Variants in PCDH15 observed in about 807,000 individuals in gnomAD.
PCDH15 encodes the protein protocadherin related 15, also known as protocadherin-15.
PCDH15 carries 129 observed loss-of-function variants against 178.5 expected under a neutral mutation model. The observed-to-expected ratio is 0.72, with a 90% CI of 0.63 to 0.84. PCDH15 has a LOEUF of 0.84. Ranked by LOEUF, PCDH15 falls within the 40% of genes least tolerant of loss-of-function variation. PCDH15 has a pLI of 0.00. For missense variants in PCDH15, 2,230 were observed against 2,099.9 expected (o/e 1.06, Z -1.21); for synonymous variants, 800 against 732.0 (o/e 1.09, Z -1.50).
chr10:55,414,654 T>C (rs1838430089), intron 2 of PCDH15, among the ~76,000 whole-genome samples: 1 of 151,538 alleles, frequency 6.6e-6, no homozygotes, highest in African/African-American at 2.4e-5. Flanking sequence ...TATGAGATTG[T>C]TTTACTGATT....
intron 1 of PCDH15, among the ~76,000 whole-genome samples, chr10:54,690,201 A>G (rs562445701): frequency 1.3e-5 from 2 of 152,248 alleles, no homozygotes; most frequent in Admixed American, 6.5e-5. Flanking sequence ...GTGTTAACCT[A>G]CTGCACTGCC....
At chr10:54,966,958 T>C (rs1208026911) in intron 2 of PCDH15, among the ~76,000 whole-genome samples, 5 of 152,060 alleles carry the variant, frequency 3.3e-5, no homozygotes, top group Non-Finnish European at 7.4e-5. Context: ...AAAGGTCCAG[T>C]AAAAATTCAC....
intron 3 of PCDH15, among the ~76,000 whole-genome samples, chr10:54,415,307 A>C (rs139041638): frequency 6.6e-6 from 1 of 152,162 alleles, no homozygotes; most frequent in East Asian, 1.9e-4. Flanking sequence ...ATTACTATGA[A>C]ACAAAAGTTT....
chr10:55,127,000 G>GC (rs1554833237), intron 2 of PCDH15, among the ~76,000 whole-genome samples: 28 of 151,638 alleles, frequency 1.8e-4, no homozygotes, highest in Non-Finnish European at 2.8e-4. Flanking sequence ...TCCTTCAGGT[G>GC]TCCCCCCACC....
At chr10:53,992,663 T>G (rs912807204) in intron 21 of PCDH15, among the ~76,000 whole-genome samples, 5 of 152,178 alleles carry the variant, frequency 3.3e-5, no homozygotes, top group Non-Finnish European at 7.4e-5. Context: ...ACCTGTAGTT[T>G]TGTTCTGTCA....
chr10:53,803,677 G>A lies in PCDH15; in HGVS notation c.*2902C>T, dbSNP rs1840997312. 6.6e-6 allele frequency: 1 copy of A among 151,832 alleles called. No individual in the cohort carries two copies. Among genetic ancestry groups the A allele is most frequent in the Non-Finnish European group, 1.5e-5 (1 of 67,844 alleles). 9.4% of individuals were successfully genotyped at this position (151,832 alleles called of 1,614,324 possible). ...GGGAGATTAACACCTGTGATTCGAT[G>A]GTCATTAAGTCACAAATGTCCTATG... On this transcript the variant is annotated 3_prime_UTR_variant, in exon 38 of 38. Coordinates refer to ENST00000644397, the MANE Select transcript of PCDH15 (RefSeq NM_001384140.1).
chr10:54,937,265 T>G (rs971890168), intron 2 of PCDH15, among the ~76,000 whole-genome samples: 1 of 151,832 alleles, frequency 6.6e-6, no homozygotes, highest in Non-Finnish European at 1.5e-5. Context: ...TGTGTTATTC[T>G]TCTTCTAAGG....
chr10:54,484,020 C>G lies in PCDH15; in HGVS notation c.157+43792G>C, dbSNP rs1384515258. Among the ~76,000 whole-genome samples the G allele has an allele frequency of 3.3e-5, 5 of 151,912 alleles. 1 individual carries two copies. The East Asian group carries it at 9.7e-4, about 29-fold the overall frequency. The stretch of plus-strand genomic sequence containing the variant: ...AGATGATTTTTCCCACTGTCCAAAA[C>G]TAATTTTTTATGTCCTTCATAATCT... On this transcript the variant is annotated intron_variant, in intron 3 of 37. Coordinates refer to ENST00000644397, the MANE Select transcript of PCDH15 (RefSeq NM_001384140.1).
intron 35 of PCDH15, among the ~76,000 whole-genome samples, chr10:53,814,376 G>T (rs1250999023): frequency 3.9e-5 from 6 of 152,086 alleles, no homozygotes; most frequent in African/African-American, 7.2e-5. Context: ...CAGCATCAAA[G>T]AATTTTCTTT....
At chr10:54,469,897 T>A (rs2077780127) in intron 3 of PCDH15, among the ~76,000 whole-genome samples, 1 of 152,122 alleles carries the variant, frequency 6.6e-6, no homozygotes, top group Admixed American at 6.5e-5. Context: ...TACATGCGGG[T>A]ACTAGCTGTG....
Sources: gnomAD v4.1 joint callset for allele counts (sites outside exome capture counted in the v4.1 genomes callset) on GRCh38, gnomAD v4.1.1 for gene constraint, MANE v1.5 for transcripts, NCBI Gene and HGNC (gene_info 2026-07-23, HGNC 2026-07-21) for gene names.